SPRYD7: variants seen among roughly 807,000 people sequenced by gnomAD.
SPRYD7 encodes SPRY domain containing 7.
SPRYD7 carries 14 observed loss-of-function variants against 23.8 expected under a neutral mutation model. The observed-to-expected ratio is 0.59, with a 90% confidence interval of 0.39 to 0.92. The LOEUF (loss-of-function observed/expected upper bound fraction) is 0.92. Ranked by LOEUF, SPRYD7 falls within the 40% of genes least tolerant of loss-of-function variation. The probability of loss-of-function intolerance (pLI) is 0.00; values close to 1 mark genes in which losing one functional copy is unlikely to be tolerated. For synonymous variants in SPRYD7, 75 were observed against 84.9 expected (o/e 0.88, Z 0.64); for missense variants, 194 against 241.7 (o/e 0.80, Z 1.31).
rs910483661 is a variant in SPRYD7 at position 49,928,152 on chromosome 13, G to A, written c.224-67C>T. ...TACAACCATCGAGTTATTTTAAAAG[G>A]GAGTATAAACTTTTTAAAGGAAGTG... On this transcript the variant is annotated intron_variant, in intron 2 of 4. Transcript: ENST00000361840. 2.8e-6 allele frequency: 4 copies of A among 1,427,390 alleles called. No homozygotes were observed. In the African/African-American group the frequency reaches 4.3e-5, roughly 15 times the overall value. The allele number at this position is 1,427,390 out of a possible 1,614,324, so 88.4% of individuals were successfully genotyped here.
At chr13:49,924,890 C>T (rs917187332) in intron 3 of SPRYD7, among the ~76,000 whole-genome samples, 18 of 150,910 alleles carry the variant, frequency 1.2e-4, no homozygotes, top group African/African-American at 2.9e-4. Context: ...GCAGGAGAAC[C>T]GCTTGAACCC....
intron 4 of SPRYD7, among the ~76,000 whole-genome samples, chr13:49,919,347 C>T (rs1435016425): frequency 6.6e-6 from 1 of 152,004 alleles, no homozygotes; most frequent in Admixed American, 6.6e-5. Flanking sequence ...AGATCAAGAC[C>T]ATCCTGGCCA....
intron 2 of SPRYD7, 106 bp from the exon 3 acceptor site, chr13:49,928,191 A>T: frequency 1.0e-6 from 1 of 980,882 alleles, no homozygotes; most frequent in South Asian, 1.9e-5. Flanking sequence ...TATTAACACT[A>T]AATTGTTTTC....
In SPRYD7 at chr13:49,915,076, T is replaced by A; in HGVS notation, c.578A>T (p.Gln193Leu). 1 of 1,554,304 alleles carries A rather than the reference T, an allele frequency of 6.4e-7. No homozygotes were observed. The highest frequency in any genetic ancestry group is 8.7e-7 in the Non-Finnish European group (1 of 1,146,520). Residue 193 changes from glutamine to leucine, a missense_variant, in exon 5 of 5, where the codon CAG (glutamine) becomes CTG (leucine). Gln to Leu is a moderately radical substitution (Grantham distance 113). Coordinates refer to ENST00000361840, the MANE Select transcript of SPRYD7 (RefSeq NM_020456.4). Reference sequence around the variant, plus strand: ...AAACAAATACATTCAGAAGATTTGCTGTTCAAATAATATTTTTTCAAAACC... The same window carrying A: ...AAACAAATACATTCAGAAGATTTGCAGTTCAAATAATATTTTTTCAAAACC... ...PPGFEKILFE[Q>L]QIF
At chr13:49,919,169 C>T (rs924465950) in intron 4 of SPRYD7, among the ~76,000 whole-genome samples, 18 of 151,926 alleles carry the variant, frequency 1.2e-4, no homozygotes, top group African/African-American at 4.4e-4. Context: ...ATAATCTCAG[C>T]ACTTTGGGAG....
chr13:49,930,731 C>T (rs1230368331), intron 2 of SPRYD7, among the ~76,000 whole-genome samples: 1 of 152,132 alleles, frequency 6.6e-6, no homozygotes, highest in Non-Finnish European at 1.5e-5. Flanking sequence ...ATACTAGTGC[C>T]TTATATTTAT....
At chr13:49,931,416 G>A (rs1955947733) in intron 1 of SPRYD7, among the ~76,000 whole-genome samples, 3 of 152,182 alleles carry the variant, frequency 2.0e-5, no homozygotes, top group Admixed American at 6.6e-5. Context: ...TCCTGACCTC[G>A]TGATCCGCCC....
At chr13:49,921,386 G>C (rs770903290) in intron 4 of SPRYD7, 92 bp downstream of exon 4, 35 of 804,764 alleles carry the variant, frequency 4.3e-5, no homozygotes, top group Non-Finnish European at 5.9e-5. Context: ...CAAGTCTTGG[G>C]TATGTCTTTA....
intron 2 of SPRYD7, among the ~76,000 whole-genome samples, 194 bp downstream of exon 2, chr13:49,930,824 A>G (rs999782216): frequency 6.6e-6 from 1 of 152,186 alleles, no homozygotes; most frequent in African/African-American, 2.4e-5. Context: ...CCCATTTTAT[A>G]GATGAGAAAA....
intron 3 of SPRYD7, among the ~76,000 whole-genome samples, chr13:49,921,926 C>T (rs1039264093): frequency 4.6e-5 from 7 of 152,106 alleles, no homozygotes; most frequent in African/African-American, 1.2e-4. Flanking sequence ...ATACAGAAAA[C>T]GCTGCTCTTT....
intron 4 of SPRYD7, among the ~76,000 whole-genome samples, chr13:49,918,337 C>T (rs773165971): frequency 6.6e-6 from 1 of 152,084 alleles, no homozygotes; most frequent in Non-Finnish European, 1.5e-5. Context: ...GCTGGGATTA[C>T]AGGCATGAGT....
Position 49,936,181 on chromosome 13 carries a change from G to C in SPRYD7, c.55C>G (p.His19Asp). The change falls in exon 1 of 5, where the codon CAC becomes GAC. Residue 19 changes from histidine to aspartate, a missense_variant. By Grantham distance (81) the His-to-Asp change is moderately conservative. Coordinates refer to ENST00000361840, the MANE Select transcript of SPRYD7 (RefSeq NM_020456.4). ...LRCCRDGGTGHIPLKEMPAVQ... is the reference protein window; with the variant it reads ...LRCCRDGGTGDIPLKEMPAVQ... ...GCCGGCATCTCCTTCAGAGGGATGT[G>C]GCCAGTCCCCCCGTCTCTGCAGCAC... 1 of 1,610,008 alleles carries C rather than the reference G, an allele frequency of 6.2e-7. No individual in the cohort carries two copies. The highest frequency in any genetic ancestry group is 8.5e-7 in the Non-Finnish European group (1 of 1,179,034).
intron 4 of SPRYD7, among the ~76,000 whole-genome samples, chr13:49,918,729 T>C (rs1955781301): frequency 6.6e-6 from 1 of 151,588 alleles, no homozygotes; most frequent in African/African-American, 2.4e-5. Flanking sequence ...TATTTTTTTT[T>C]GTGGAGACTA....
chr13:49,933,525 C>G lies in SPRYD7; in HGVS notation c.107-2391G>C, dbSNP rs879379275. Among the ~76,000 whole-genome samples, 14 of 151,524 alleles carry G rather than the reference C, an allele frequency of 9.2e-5. No individual in the cohort carries two copies. In the East Asian group the frequency reaches 2.7e-3, roughly 29 times the overall value. On this transcript the variant is annotated intron_variant, in intron 1 of 4. Transcript: ENST00000361840. ...GCTGAGACAGGAGAATTAATTGAAC[C>G]CAGGAGGCGGAGGTTGCAGTGAGCT...
intron 2 of SPRYD7, among the ~76,000 whole-genome samples, 186 bp from the exon 3 acceptor site, chr13:49,928,271 G>A (rs1336448227): frequency 4.6e-5 from 7 of 152,106 alleles, no homozygotes; most frequent in Admixed American, 1.3e-4. Flanking sequence ...CCCAAACCCC[G>A]TCTCTACAAA....
intron 3 of SPRYD7, among the ~76,000 whole-genome samples, chr13:49,927,273 T>A (rs1388959915): frequency 6.6e-6 from 1 of 152,078 alleles, no homozygotes; most frequent in African/African-American, 2.4e-5. Context: ...GGCAGGTGGA[T>A]CACTTGAGGT....
intron 4 of SPRYD7, among the ~76,000 whole-genome samples, chr13:49,918,558 C>T (rs2138213642): frequency 6.7e-6 from 1 of 149,706 alleles, no homozygotes; most frequent in South Asian, 2.1e-4. Context: ...CAGGTGTGTG[C>T]CACCACACAC....
intron 4 of SPRYD7, among the ~76,000 whole-genome samples, chr13:49,919,011 A>G (rs1230457962): frequency 6.6e-6 from 1 of 151,460 alleles, no homozygotes; most frequent in East Asian, 2.0e-4. Flanking sequence ...CCACCACGCC[A>G]GTCCTAATTA....
At chr13:49,917,995 G>A (rs975640069) in intron 4 of SPRYD7, among the ~76,000 whole-genome samples, 2 of 152,162 alleles carry the variant, frequency 1.3e-5, no homozygotes, top group Non-Finnish European at 2.9e-5. Context: ...ATTTATATTT[G>A]TTATTGTATA....
Sources: gnomAD v4.1 joint callset for allele counts (sites outside exome capture counted in the v4.1 genomes callset) on GRCh38, gnomAD v4.1.1 for gene constraint, MANE v1.5 for transcripts, NCBI Gene and HGNC (gene_info 2026-07-23, HGNC 2026-07-21) for gene names.